SEPTIN14: variants seen among roughly 807,000 people sequenced by gnomAD.
The protein encoded by SEPTIN14 is septin-14.
SEPTIN14 carries 40 observed loss-of-function variants against 53.6 expected under a neutral mutation model. The ratio of observed to expected loss-of-function variants is 0.75; its 90% CI spans 0.58 to 0.97. The LOEUF is 0.97. SEPTIN14 is among the 50% of genes least tolerant of loss of function. The pLI, the probability that SEPTIN14 is intolerant of heterozygous loss-of-function variation, is 0.00. For missense variants in SEPTIN14, 471 were observed against 508.2 expected (o/e 0.93, Z 0.70); for synonymous variants, 138 against 166.8 (o/e 0.83, Z 1.33).
intron 5 of SEPTIN14, 43 bp downstream of exon 5, chr7:55,842,899 C>A: frequency 2.3e-6 from 3 of 1,319,660 alleles, no homozygotes; most frequent in Middle Eastern, 2.0e-4. Flanking sequence ...CAGAGGGAGA[C>A]TCCGTCTCAA....
intron 2 of SEPTIN14, chr7:55,850,916 CA>C (rs554489654): frequency 4.5e-4 from 64 of 143,468 alleles, no homozygotes; most frequent in Admixed American, 4.2e-4. Context: ...ACTAAAAATA[CA>C]AAAAAAAAAA....
chr7:55,841,188 C>A (rs1052304245), intron 5 of SEPTIN14, among the ~76,000 whole-genome samples: 3 of 152,058 alleles, frequency 2.0e-5, no homozygotes, highest in Non-Finnish European at 4.4e-5. Flanking sequence ...GGATTACAGG[C>A]GTGAGCCTCC....
intron 7 of SEPTIN14, among the ~76,000 whole-genome samples, chr7:55,809,293 A>AAAG (rs2115969710): frequency 6.6e-6 from 1 of 151,292 alleles, no homozygotes; most frequent in African/African-American, 2.4e-5. Flanking sequence ...TGAGGACAGA[A>AAAG]AAGCTACTAT....
chr7:55,820,048 G>A (rs553893113), intron 6 of SEPTIN14, among the ~76,000 whole-genome samples: 2 of 152,334 alleles, frequency 1.3e-5, no homozygotes, highest in South Asian at 2.1e-4. Flanking sequence ...CACCCAGGCT[G>A]TAGTGCAGTG....
chr7:55,856,053 G>C (rs1348979189), intron 2 of SEPTIN14, among the ~76,000 whole-genome samples: 1 of 152,060 alleles, frequency 6.6e-6, no homozygotes, highest in East Asian at 1.9e-4. Context: ...TTGTTATGAG[G>C]AAATACTGAA....
At chr7:55,807,293 A>G (rs778521726) in intron 7 of SEPTIN14, 35 bp from the exon 8 acceptor site, 3 of 1,380,072 alleles carry the variant, frequency 2.2e-6, no homozygotes, top group Non-Finnish European at 2.0e-6. Context: ...AACAACATTC[A>G]GTATCAATCC....
intron 6 of SEPTIN14, among the ~76,000 whole-genome samples, chr7:55,828,353 G>A (rs1562712610): frequency 7.0e-6 from 1 of 143,128 alleles, no homozygotes; most frequent in African/African-American, 2.7e-5. Context: ...CGCCCAGGCT[G>A]CAGTGCAGTG....
intron 3 of SEPTIN14, among the ~76,000 whole-genome samples, chr7:55,845,435 C>T: frequency 6.6e-6 from 1 of 152,180 alleles, no homozygotes; most frequent in Non-Finnish European, 1.5e-5. Context: ...GGCCATCATC[C>T]TTAGCAAACA....
chr7:55,844,388 A>C, intron 4 of SEPTIN14, 135 bp downstream of exon 4: 1 of 449,264 alleles, frequency 2.2e-6, no homozygotes, highest in Non-Finnish European at 3.8e-6. Context: ...TAATCTTATA[A>C]GAAAAGAACA....
chr7:55,802,387 A>T (rs559056455), intron 9 of SEPTIN14, among the ~76,000 whole-genome samples: 2 of 152,346 alleles, frequency 1.3e-5, no homozygotes, highest in East Asian at 3.9e-4. Flanking sequence ...TGAGAAAAAA[A>T]AATTATAGGC....
chr7:55,811,830 GTCAC>G (rs1369541448), intron 7 of SEPTIN14, among the ~76,000 whole-genome samples: 7 of 148,022 alleles, frequency 4.7e-5, no homozygotes, highest in African/African-American at 1.8e-4. Flanking sequence ...GTCTCGCTCT[GTCAC>G]TCAGGCTGGA....
In SEPTIN14 at chr7:55,817,524, C is replaced by A. The variant is rs1788815409; in HGVS notation, c.817+1603G>T. Among the ~76,000 whole-genome samples, 4 of 150,430 alleles carry A rather than the reference C, an allele frequency of 2.7e-5. No individual in the cohort carries two copies. In the South Asian group the frequency reaches 8.4e-4, roughly 32 times the overall value. On this transcript the variant is annotated intron_variant, in intron 7 of 9. Coordinates refer to ENST00000388975, the MANE Select transcript of SEPTIN14 (RefSeq NM_207366.3). Reference sequence around the variant, plus strand: ...CTCGCTCTGTTGCCCAGCTGGAGTGCAGTGGCGTGATCTCAGCTCACTGCA... The same window carrying A: ...CTCGCTCTGTTGCCCAGCTGGAGTGAAGTGGCGTGATCTCAGCTCACTGCA...
intron 2 of SEPTIN14, among the ~76,000 whole-genome samples, chr7:55,857,517 G>GGGAAGGGAAAGGAAA (rs1395788337): frequency 9.0e-6 from 1 of 111,034 alleles, no homozygotes; most frequent in African/African-American, 3.6e-5. Flanking sequence ...GGGAAGGGAA[G>GGGAAGGGAAAGGAAA]GGAAAGGAAA....
At chr7:55,809,541 G>A (rs1788664956) in intron 7 of SEPTIN14, among the ~76,000 whole-genome samples, 1 of 151,434 alleles carries the variant, frequency 6.6e-6, no homozygotes. Flanking sequence ...TTTTTTAGTA[G>A]AGACGGGGTT....
In SEPTIN14 at chr7:55,842,958, T is replaced by A; in HGVS notation, c.542A>T (p.Lys181Met). 6.6e-7 allele frequency: 1 copy of A among 1,519,332 alleles called. No individual in the cohort carries two copies. Among genetic ancestry groups the A allele is most frequent in the Non-Finnish European group, 8.8e-7 (1 of 1,138,038 alleles). The allele number at this position is 1,519,332 out of a possible 1,614,324, so 94.1% of individuals were successfully genotyped here. ...SLKSLDLLTMKNLDSKVNIIP... is the reference protein window; with the variant it reads ...SLKSLDLLTMMNLDSKVNIIP... ...CAAACATACCTTACTGTCAAGGTTC[T>A]TCATTGTTAATAGATCAAGAGACTT... Residue 181 changes from lysine to methionine, a missense_variant, in exon 5 of 10, where the codon AAG becomes ATG. By Grantham distance (95) the Lys-to-Met change is moderately conservative (BLOSUM62 -1). Transcript: ENST00000388975.
At chr7:55,842,490 T>C (rs948476454) in intron 5 of SEPTIN14, among the ~76,000 whole-genome samples, 2 of 151,686 alleles carry the variant, frequency 1.3e-5, no homozygotes, top group African/African-American at 4.8e-5. Context: ...CCTGTCCCAG[T>C]TGCTCGGATG....
At chr7:55,854,820 A>G (rs1789585457) in intron 2 of SEPTIN14, among the ~76,000 whole-genome samples, 1 of 152,226 alleles carries the variant, frequency 6.6e-6, no homozygotes, top group African/African-American at 2.4e-5. Flanking sequence ...GGTAGAAAAT[A>G]TACAAGAATC....
intron 6 of SEPTIN14, among the ~76,000 whole-genome samples, chr7:55,833,960 A>C (rs2116030523): frequency 6.6e-6 from 1 of 152,280 alleles, no homozygotes; most frequent in South Asian, 2.1e-4. Flanking sequence ...TGGTGAAATT[A>C]CTAGAAACAT....
At chr7:55,837,208 C>T (rs967221048) in intron 5 of SEPTIN14, among the ~76,000 whole-genome samples, 6 of 151,686 alleles carry the variant, frequency 4.0e-5, no homozygotes, top group Non-Finnish European at 7.4e-5. Flanking sequence ...CTCAACCTCC[C>T]GGGCTGAAGC....
Sources: allele counts gnomAD v4.1 joint callset (sites outside exome capture counted in the v4.1 genomes callset), GRCh38; gene constraint gnomAD v4.1.1; transcripts MANE v1.5; gene names NCBI Gene and HGNC (gene_info 2026-07-23, HGNC 2026-07-21).